Variants in CAMK2G observed in about 807,000 individuals in gnomAD.
CAMK2G encodes calcium/calmodulin-dependent protein kinase type II subunit gamma.
Under a neutral mutation model 88.7 loss-of-function variants are expected in CAMK2G, and 23 were observed. That is an observed-to-expected ratio of 0.26 (90% confidence interval 0.19 to 0.37). CAMK2G has a LOEUF of 0.37. CAMK2G is among the 10% of genes least tolerant of loss of function. The pLI, the probability that CAMK2G is intolerant of heterozygous loss-of-function variation, is 1.00. For missense variants in CAMK2G, 476 were observed against 780.8 expected, an observed-to-expected ratio of 0.61 and a Z score of 4.65; for synonymous variants, 263 against 294.8, an observed-to-expected ratio of 0.89 and a Z score of 1.11.
intron 16 of CAMK2G, 65 bp from the exon 17 acceptor site, chr10:73,824,149 C>A: frequency 7.9e-7 from 1 of 1,258,586 alleles, no homozygotes. Context: ...CCCTGAGGAG[C>A]CCCACCTGCA....
chr10:73,872,202 G>A (rs538754995), intron 2 of CAMK2G, among the ~76,000 whole-genome samples: 41 of 152,324 alleles, frequency 2.7e-4, no homozygotes, highest in African/African-American at 9.6e-4. Flanking sequence ...TTCAGAGAGT[G>A]TAGGTTCAAG....
intron 3 of CAMK2G, among the ~76,000 whole-genome samples, chr10:73,856,161 T>C (rs2095020818): frequency 6.6e-6 from 1 of 152,146 alleles, no homozygotes. Flanking sequence ...TCCACGTGCA[T>C]TACTGTATTG....
At chr10:73,821,245 G>C (rs143582847) in intron 18 of CAMK2G, among the ~76,000 whole-genome samples, 120 of 152,192 alleles carry the variant, frequency 7.9e-4, no homozygotes, top group Middle Eastern at 6.8e-3. Context: ...ACAGGTGTGA[G>C]CCAGCACTCC....
Position 73,815,195 on chromosome 10 carries a change from G to T in CAMK2G, c.1587C>A (p.Val529=). The T allele has an allele frequency of 6.2e-7, 1 of 1,614,268 alleles. No homozygotes were observed. Among genetic ancestry groups the T allele is most frequent in the Non-Finnish European group, 8.5e-7 (1 of 1,180,046 alleles). Residue 529 remains valine, a synonymous_variant, in exon 22 of 23, where the codon GTC becomes GTA. Transcript: ENST00000423381. ...PIHTTILNPH[V]HVIGEDAACI... is the part of the protein sequence containing the mutation. ...ACGCTGCGTCCTCCCCAATCACGTG[G>T]ACGTGTGGGTTTAGGATGGTGGTAT...
chr10:73,820,386 T>C (rs1239294792), intron 18 of CAMK2G, among the ~76,000 whole-genome samples: 1 of 148,996 alleles, frequency 6.7e-6, no homozygotes, highest in Admixed American at 6.7e-5. Flanking sequence ...TAGTTCCAAC[T>C]CCATCATTCA....
At chr10:73,853,735 A>G (rs947386546) in intron 3 of CAMK2G, among the ~76,000 whole-genome samples, 3 of 152,246 alleles carry the variant, frequency 2.0e-5, no homozygotes, top group Admixed American at 6.5e-5. Context: ...GTGGTGCAGG[A>G]TAATGGATGG....
At chr10:73,825,570 C>T (rs1434667154) in intron 15 of CAMK2G, among the ~76,000 whole-genome samples, 1 of 152,178 alleles carries the variant, frequency 6.6e-6, no homozygotes, top group African/African-American at 2.4e-5. Context: ...GTGGGACCAG[C>T]CCAAAGCCTT....
At chr10:73,822,590 C>T (rs867464458) in intron 17 of CAMK2G, among the ~76,000 whole-genome samples, 120 of 152,174 alleles carry the variant, frequency 7.9e-4, no homozygotes, top group African/African-American at 2.8e-3. Flanking sequence ...CAAACTCCTA[C>T]AAGGGCCTCT....
intron 21 of CAMK2G, chr10:73,816,485 G>C (rs936464128): frequency 8.6e-6 from 9 of 1,041,080 alleles, no homozygotes; most frequent in Non-Finnish European, 1.1e-5. Flanking sequence ...TTTTGAGATG[G>C]AGTCTTGCTC....
intron 18 of CAMK2G, among the ~76,000 whole-genome samples, chr10:73,820,492 A>ATATATTTTTTT (rs1554995765): frequency 4.9e-4 from 25 of 51,058 alleles, no homozygotes; most frequent in African/African-American, 1.7e-3. Context: ...ATATATATAT[A>ATATATTTTTTT]TTTTTTTTTT....
At chr10:73,862,127 C>G (rs2135557848) in intron 2 of CAMK2G, among the ~76,000 whole-genome samples, 1 of 152,314 alleles carries the variant, frequency 6.6e-6, no homozygotes, top group East Asian at 1.9e-4. Flanking sequence ...CACAGGAAGG[C>G]AGAGCTCCAG....
intron 17 of CAMK2G, among the ~76,000 whole-genome samples, chr10:73,823,737 G>A (rs545059348): frequency 4.3e-4 from 66 of 152,244 alleles, no homozygotes; most frequent in African/African-American, 1.5e-3. Flanking sequence ...TTCAGTGAAC[G>A]TTTACTCTCA....
intron 10 of CAMK2G, among the ~76,000 whole-genome samples, chr10:73,844,597 T>C (rs1029931667): frequency 6.6e-6 from 1 of 151,764 alleles, no homozygotes; most frequent in Admixed American, 6.6e-5. Context: ...TTAGTAGAGA[T>C]GGAGTTTCAC....
At chr10:73,853,302 G>A in intron 3 of CAMK2G, 56 bp from the exon 4 acceptor site, 1 of 1,520,558 alleles carries the variant, frequency 6.6e-7, no homozygotes, top group Non-Finnish European at 9.1e-7. Context: ...GGAAATCCTA[G>A]GCTTCTCCTC....
At chr10:73,866,540 G>T (rs1042173615) in intron 2 of CAMK2G, among the ~76,000 whole-genome samples, 2 of 152,078 alleles carry the variant, frequency 1.3e-5, no homozygotes, top group Admixed American at 6.5e-5. Context: ...TCCTCTGTAC[G>T]TGGGAAAGGA....
intron 15 of CAMK2G, among the ~76,000 whole-genome samples, chr10:73,825,770 T>C (rs1360234198): frequency 6.6e-6 from 1 of 152,220 alleles, no homozygotes; most frequent in Non-Finnish European, 1.5e-5. Flanking sequence ...TGCTGCACTT[T>C]CAACCCAGCA....
chr10:73,820,954 C>T (rs937699620), intron 18 of CAMK2G, among the ~76,000 whole-genome samples: 2 of 151,398 alleles, frequency 1.3e-5, no homozygotes, highest in Admixed American at 6.6e-5. Flanking sequence ...GGATTACAGG[C>T]GTGAGCCACT....
intron 10 of CAMK2G, chr10:73,846,773 G>C (rs1035900696): frequency 6.3e-6 from 1 of 159,582 alleles, no homozygotes; most frequent in Non-Finnish European, 1.4e-5. Flanking sequence ...GGACTTTAGC[G>C]CAGAAGCTTT....
intron 19 of CAMK2G, 187 bp from the exon 20 acceptor site, chr10:73,817,741 G>A: frequency 3.4e-6 from 2 of 593,818 alleles, no homozygotes; most frequent in Non-Finnish European, 6.0e-6. Context: ...GCAGTCTGCA[G>A]AGACAATGAC....
Sources: gnomAD v4.1 joint callset for allele counts (sites outside exome capture counted in the v4.1 genomes callset) on GRCh38, gnomAD v4.1.1 for gene constraint, MANE v1.5 for transcripts, NCBI Gene and HGNC (gene_info 2026-07-23, HGNC 2026-07-21) for gene names.